Variants in NUDT3 observed in about 807,000 individuals in gnomAD.
NUDT3 encodes the protein nudix hydrolase 3.
A neutral mutation model predicts 23.6 loss-of-function variants in NUDT3; 9 were observed. That is an observed-to-expected ratio of 0.38 (90% confidence interval 0.23 to 0.66). NUDT3 has a LOEUF of 0.66. NUDT3 is among the 30% of genes least tolerant of loss of function. The pLI is 0.52. For synonymous variants in NUDT3, 86 were observed against 82.6 expected (o/e 1.04, Z -0.22); for missense variants, 172 against 218.5 (o/e 0.79, Z 1.34).
intron 1 of NUDT3, among the ~76,000 whole-genome samples, chr6:34,375,108 C>T (rs543193349): frequency 6.6e-6 from 1 of 152,206 alleles, no homozygotes; most frequent in African/African-American, 2.4e-5. Context: ...GCACTTTGGC[C>T]GAGGTAGGCG....
Position 34,282,173 on chromosome 6 carries a change from C to G in NUDT3, c.*6580G>C, listed in dbSNP as rs1345967189. The G allele has an allele frequency of 1.3e-5, 2 of 152,086 alleles. No individual in the cohort carries two copies. The highest frequency in any genetic ancestry group is 2.4e-5 in the African/African-American group (1 of 41,418). 9.4% of individuals were successfully genotyped at this position (152,086 alleles called of 1,614,324 possible). On this transcript the variant is annotated 3_prime_UTR_variant, in exon 5 of 5. Transcript: ENST00000607016. ...GATTAGTGACACATTTTCTCCACAA[C>G]AAAGGGAGGTTAAAGACAAAGGTTT...
At chr6:34,350,562 G>A (rs968676578) in intron 1 of NUDT3, among the ~76,000 whole-genome samples, 1 of 150,986 alleles carries the variant, frequency 6.6e-6, no homozygotes, top group Admixed American at 6.6e-5. Flanking sequence ...TAAAAGATGA[G>A]TAAAGCTGAG....
intron 1 of NUDT3, among the ~76,000 whole-genome samples, chr6:34,351,916 A>G (rs1367413795): frequency 3.3e-5 from 5 of 151,828 alleles, no homozygotes; most frequent in Non-Finnish European, 7.4e-5. Context: ...TTTAGAACAA[A>G]TATTTAAGAT....
chr6:34,282,270 A>G lies in NUDT3; in HGVS notation c.*6483T>C, dbSNP rs1763288161. On this transcript the variant is annotated 3_prime_UTR_variant, in exon 5 of 5. Transcript: ENST00000607016. ...GGCTACGTGGATCTGTCACTGCTTT[A>G]GCTTACCATTTTCAATTCAGCACCA... is the stretch of plus-strand genomic sequence containing the variant. 1 of 152,194 alleles carries G rather than the reference A, an allele frequency of 6.6e-6. No individual in the cohort carries two copies. Among genetic ancestry groups the G allele is most frequent in the Non-Finnish European group, 1.5e-5 (1 of 68,034 alleles). 9.4% of individuals were successfully genotyped at this position (152,194 alleles called of 1,614,324 possible).
chr6:34,384,255 G>A (rs1017248547), intron 1 of NUDT3, among the ~76,000 whole-genome samples: 1 of 152,190 alleles, frequency 6.6e-6, no homozygotes, highest in Non-Finnish European at 1.5e-5. Flanking sequence ...ATGTGAAGCA[G>A]CTCCCCTTTG....
intron 2 of NUDT3, among the ~76,000 whole-genome samples, chr6:34,329,227 T>A (rs1764089167): frequency 6.6e-6 from 1 of 152,262 alleles, no homozygotes; most frequent in Non-Finnish European, 1.5e-5. Context: ...TACATAAAAA[T>A]ACATATATAC....
intron 2 of NUDT3, among the ~76,000 whole-genome samples, chr6:34,297,246 TAAGAA>T (rs1003162565): frequency 2.0e-5 from 3 of 152,068 alleles, no homozygotes; most frequent in Non-Finnish European, 4.4e-5. Flanking sequence ...TTTTCTTAAA[TAAGAA>T]AACAGTAACT....
At chr6:34,355,758 A>G (rs1387346033) in intron 1 of NUDT3, among the ~76,000 whole-genome samples, 2 of 151,620 alleles carry the variant, frequency 1.3e-5, no homozygotes, top group African/African-American at 4.8e-5. Flanking sequence ...AGGCTTATTT[A>G]TTTATTCTTA....
intron 2 of NUDT3, among the ~76,000 whole-genome samples, chr6:34,328,014 TTAA>T (rs879332307): frequency 1.1e-4 from 17 of 152,248 alleles, no homozygotes; most frequent in Non-Finnish European, 1.9e-4. Context: ...AAGCTAATGA[TTAA>T]TAATGTTTAT....
In NUDT3 at chr6:34,295,498, G is replaced by A. The variant is rs150136717; in HGVS notation, c.255+143C>T. On this transcript the variant is annotated intron_variant, in intron 3 of 4. Coordinates refer to ENST00000607016, the MANE Select transcript of NUDT3 (RefSeq NM_006703.4). ...ACTGTGCCACTGCACTCCAGCCTGG[G>A]CGAGAGTGAGACCTTGTCTCAAAAA... 1.1e-3 allele frequency: 1,019 copies of A among 903,506 alleles called. 6 individuals are homozygous for A. The highest frequency in any genetic ancestry group is 9.4e-3 in the South Asian group (527 of 56,150). 56.0% of individuals were successfully genotyped at this position (903,506 alleles called of 1,614,324 possible).
intron 1 of NUDT3, among the ~76,000 whole-genome samples, chr6:34,347,875 A>G (rs2113739865): frequency 6.6e-6 from 1 of 152,104 alleles, no homozygotes; most frequent in South Asian, 2.1e-4. Context: ...ATACCTGTAA[A>G]CCCAGTAGTC....
At chr6:34,389,095 C>A (rs2113773986) in intron 1 of NUDT3, among the ~76,000 whole-genome samples, 1 of 152,146 alleles carries the variant, frequency 6.6e-6, no homozygotes, top group East Asian at 1.9e-4. Flanking sequence ...AAGGGAGACC[C>A]TGTGATATGC....
In NUDT3 at chr6:34,342,081, G is replaced by C. The variant is rs533152166; in HGVS notation, c.100-109C>G. 5.4e-6 allele frequency: 5 copies of C among 923,284 alleles called. No individual in the cohort carries two copies. The East Asian group carries it at 1.4e-4, about 25-fold the overall frequency. 57.2% of individuals were successfully genotyped at this position (923,284 alleles called of 1,614,324 possible). ...TCAAAGTAACCAAGACCCATTCTTT[G>C]TTTATGCCTTCCCAAATCACTTCTT... is the stretch of plus-strand genomic sequence containing the variant. On this transcript the variant is annotated intron_variant, in intron 1 of 4. Coordinates refer to ENST00000607016, the MANE Select transcript of NUDT3 (RefSeq NM_006703.4).
At position 34,388,751 on chromosome 6, in the gene NUDT3, T is replaced by C. The variant is rs116036121; in HGVS notation, c.99+3513A>G. Among the ~76,000 whole-genome samples the C allele has an allele frequency of 3.6e-3, 541 of 152,336 alleles. 5 individuals are homozygous for C. The highest frequency in any genetic ancestry group is 7.6e-3 in the Admixed American group (117 of 15,306). ...GCTGCAGCCATAGCAGGCTCTTTAATACATGCTTTTTGTTGTTTCTCATAC... is the reference window on the plus strand; with the variant it reads ...GCTGCAGCCATAGCAGGCTCTTTAACACATGCTTTTTGTTGTTTCTCATAC... On this transcript the variant is annotated intron_variant, in intron 1 of 4. Coordinates refer to ENST00000607016, the MANE Select transcript of NUDT3 (RefSeq NM_006703.4).
intron 1 of NUDT3, among the ~76,000 whole-genome samples, chr6:34,366,286 G>C (rs1764727471): frequency 6.6e-6 from 1 of 150,968 alleles, no homozygotes; most frequent in Non-Finnish European, 1.5e-5. Flanking sequence ...TGGGGTGGGA[G>C]AATCACTTGA....
intron 1 of NUDT3, 30 bp downstream of exon 1, chr6:34,392,234 G>C (rs756244172): frequency 6.5e-7 from 1 of 1,537,340 alleles, no homozygotes; most frequent in South Asian, 1.2e-5. Context: ...GAGACCCGGC[G>C]ACCCCGGCCC....
chr6:34,321,857 T>C (rs767735746), intron 2 of NUDT3, among the ~76,000 whole-genome samples: 14 of 152,236 alleles, frequency 9.2e-5, no homozygotes, highest in Non-Finnish European at 1.8e-4. Context: ...GTGAACATGA[T>C]ATACATGTAG....
chr6:34,350,210 A>G (rs985297408), intron 1 of NUDT3, among the ~76,000 whole-genome samples: 1 of 151,044 alleles, frequency 6.6e-6, no homozygotes, highest in Non-Finnish European at 1.5e-5. Context: ...AATCAGTTGC[A>G]TACAGTAAAG....
chr6:34,351,219 A>ACAAAAC (rs1484827610), intron 1 of NUDT3, among the ~76,000 whole-genome samples: 2 of 137,444 alleles, frequency 1.5e-5, no homozygotes, highest in African/African-American at 5.6e-5. Context: ...AAAAAAAAAA[A>ACAAAAC]AAAAAAACAC....
Sources: allele counts gnomAD v4.1 joint callset (sites outside exome capture counted in the v4.1 genomes callset), GRCh38; gene constraint gnomAD v4.1.1; transcripts MANE v1.5; gene names NCBI Gene and HGNC (gene_info 2026-07-23, HGNC 2026-07-21).